CUX1: variants seen among roughly 807,000 people sequenced by gnomAD.
CUX1 encodes protein CASP.
A neutral mutation model predicts 158.8 loss-of-function variants in CUX1; 31 were observed. The ratio of observed to expected loss-of-function variants is 0.20; its 90% CI spans 0.15 to 0.26. The LOEUF is 0.26. Among genes scored for constraint, CUX1 ranks in the 10% least tolerant of loss-of-function variants. The probability of loss-of-function intolerance (pLI) is 1.00; values close to 1 mark genes in which losing one functional copy is unlikely to be tolerated. For missense variants in CUX1, 1,589 were observed against 2,014.6 expected (o/e 0.79, Z 4.04); for synonymous variants, 879 against 862.1 (o/e 1.02, Z -0.34).
At chr7:102,059,525 G>T (rs1252120333) in intron 3 of CUX1, among the ~76,000 whole-genome samples, 1 of 151,664 alleles carries the variant, frequency 6.6e-6, no homozygotes, top group Non-Finnish European at 1.5e-5. Flanking sequence ...CCAGCTACTC[G>T]GGAGGCTAAG....
rs549488773 is a variant in CUX1 at position 102,021,604 on chromosome 7, T to G, written c.142-6494T>G. On this transcript the variant is annotated intron_variant, in intron 2 of 23. Coordinates refer to ENST00000292535, the MANE Select transcript of CUX1 (RefSeq NM_181552.4). ...ATTACAGTTGTGAGCTACCAGATAC[T>G]TTTTTTTCTCTTTTTTTTTTTTTTT... Among the ~76,000 whole-genome samples, 11 of 110,032 alleles carry G rather than the reference T, an allele frequency of 1.0e-4. 1 individual carries two copies. The South Asian group carries it at 3.0e-3, about 30-fold the overall frequency. 72.2% of individuals were successfully genotyped at this position (110,032 alleles called of 152,430 possible).
At chr7:101,999,439 C>T (rs540087840) in intron 2 of CUX1, among the ~76,000 whole-genome samples, 1 of 152,204 alleles carries the variant, frequency 6.6e-6, no homozygotes, top group East Asian at 1.9e-4. Flanking sequence ...CTTGATTGAC[C>T]ATGAGCTTTG....
chr7:101,935,976 A>C (rs1020555594), intron 2 of CUX1, among the ~76,000 whole-genome samples: 1 of 152,150 alleles, frequency 6.6e-6, no homozygotes, highest in Non-Finnish European at 1.5e-5. Flanking sequence ...CACGCTCTTA[A>C]AACAAGGAAG....
chr7:101,989,002 AATAAT>A (rs1420841276), intron 2 of CUX1, among the ~76,000 whole-genome samples: 1 of 137,020 alleles, frequency 7.3e-6, no homozygotes, highest in Non-Finnish European at 1.6e-5. Context: ...TCAAAAAAAA[AATAAT>A]AATAATAATA....
chr7:101,989,977 A>C (rs1814890747), intron 2 of CUX1, among the ~76,000 whole-genome samples: 1 of 152,240 alleles, frequency 6.6e-6, no homozygotes, highest in Non-Finnish European at 1.5e-5. Flanking sequence ...GCCTCACCAC[A>C]GTGGAGCCAT....
chr7:101,944,887 C>T (rs1239223451), intron 2 of CUX1, among the ~76,000 whole-genome samples: 1 of 152,148 alleles, frequency 6.6e-6, no homozygotes, highest in Non-Finnish European at 1.5e-5. Context: ...GGGTTGACCC[C>T]ACTTGGTATG....
intron 10 of CUX1, among the ~76,000 whole-genome samples, chr7:102,171,626 T>C (rs1342968505): frequency 6.6e-6 from 1 of 151,968 alleles, no homozygotes; most frequent in Non-Finnish European, 1.5e-5. Flanking sequence ...TTTGGTATTT[T>C]TTATAGGGAC....
chr7:101,996,154 T>C, intron 2 of CUX1, among the ~76,000 whole-genome samples: 1 of 150,948 alleles, frequency 6.6e-6, no homozygotes, highest in Non-Finnish European at 1.5e-5. Flanking sequence ...TCTGCCTATG[T>C]TCCATTTTGG....
Position 102,252,896 on chromosome 7 carries a change from G to A in CUX1, c.*3854G>A. The stretch of plus-strand genomic sequence containing the variant: ...ATCTTAGGAGGCATCTTGGCATGAG[G>A]CAGCTTCTAAGCGTCTCCTGGGACA... On this transcript the variant is annotated 3_prime_UTR_variant, in exon 24 of 24. Coordinates refer to ENST00000292535, the MANE Select transcript of CUX1 (RefSeq NM_181552.4). 2.0e-6 allele frequency: 2 copies of A among 985,478 alleles called. No individual in the cohort carries two copies. The highest frequency in any genetic ancestry group is 2.4e-6 in the Non-Finnish European group (2 of 829,958). The allele number at this position is 985,478 out of a possible 1,614,324, so 61.0% of individuals were successfully genotyped here.
In CUX1 at chr7:102,096,369, GTTTC is replaced by G. The variant is rs1203090349; in HGVS notation, c.269-990_269-987del. On this transcript the variant is annotated intron_variant, in intron 4 of 23. Coordinates refer to ENST00000292535, the MANE Select transcript of CUX1 (RefSeq NM_181552.4). ...TGGGGTGGCTTTATAAAGCCTAAGTGTTTCTTTCCTCTGCTTCACCTCTGCTTCA... is the reference window on the plus strand; with the variant it reads ...TGGGGTGGCTTTATAAAGCCTAAGTGTTTCCTCTGCTTCACCTCTGCTTCA... Among the ~76,000 whole-genome samples, 7 of 152,322 alleles carry G rather than the reference GTTTC, an allele frequency of 4.6e-5. No individual in the cohort carries two copies. In the South Asian group the frequency reaches 6.2e-4, roughly 14 times the overall value.
At position 102,104,362 on chromosome 7, in the gene CUX1, A is replaced by G; in HGVS notation, c.433A>G (p.Lys145Glu). ...GGTTACGATAAAAGCACTTAAAGAG[A>G]AAATCCGAGAATATGAACAGACACT... ...QEVTIKALKE[K>E]IREYEQTLKN... Residue 145 changes from lysine to glutamate, a missense_variant, in exon 6 of 24, where the codon AAA becomes GAA. By Grantham distance (56) the Lys-to-Glu change is moderately conservative (BLOSUM62 1). Transcript: ENST00000292535. 3 of 1,610,258 alleles carry G rather than the reference A, an allele frequency of 1.9e-6. No homozygotes were observed. The South Asian group carries it at 3.3e-5, about 18-fold the overall frequency.
chr7:101,835,478 T>C (rs1312328368), intron 1 of CUX1, among the ~76,000 whole-genome samples: 1 of 152,230 alleles, frequency 6.6e-6, no homozygotes, highest in Non-Finnish European at 1.5e-5. Flanking sequence ...CAAATGTTTG[T>C]ATGAATGCAG....
At chr7:101,894,592 G>A (rs1261199557) in intron 1 of CUX1, among the ~76,000 whole-genome samples, 3 of 152,196 alleles carry the variant, frequency 2.0e-5, no homozygotes, top group African/African-American at 4.8e-5. Flanking sequence ...GATTACAGGC[G>A]TGAGCCCCTG....
chr7:102,200,561 G>C (rs1489812769), intron 17 of CUX1, among the ~76,000 whole-genome samples: 1 of 152,030 alleles, frequency 6.6e-6, no homozygotes, highest in Non-Finnish European at 1.5e-5. Flanking sequence ...GGCTGGTCTC[G>C]AACTCCTGAC....
chr7:102,212,931 C>T (rs782607729), intron 20 of CUX1, among the ~76,000 whole-genome samples: 3 of 152,204 alleles, frequency 2.0e-5, no homozygotes, highest in African/African-American at 7.2e-5. Flanking sequence ...CTGCAGCCTC[C>T]GCCTTCCGAG....
chr7:101,978,102 GAT>G (rs1812945521), intron 2 of CUX1, among the ~76,000 whole-genome samples: 1 of 151,960 alleles, frequency 6.6e-6, no homozygotes, highest in Admixed American at 6.6e-5. Flanking sequence ...CCTGCCCTTT[GAT>G]ATCTACAAGA....
intron 20 of CUX1, among the ~76,000 whole-genome samples, chr7:102,215,241 T>G (rs1796935169): frequency 6.7e-6 from 1 of 149,126 alleles, no homozygotes; most frequent in South Asian, 2.2e-4. Flanking sequence ...TTTTTTTTTT[T>G]TTTTTTTTTT....
At chr7:101,898,046 G>A (rs1425654930) in intron 1 of CUX1, among the ~76,000 whole-genome samples, 12 of 152,156 alleles carry the variant, frequency 7.9e-5, no homozygotes. Flanking sequence ...CGAGGGGTCA[G>A]GGATCTAGGG....
intron 8 of CUX1, among the ~76,000 whole-genome samples, chr7:102,150,508 C>A (rs1835524703): frequency 6.6e-6 from 1 of 152,168 alleles, no homozygotes; most frequent in Non-Finnish European, 1.5e-5. Flanking sequence ...TCTTTGAAGG[C>A]CGCTCTGTAT....
Sources: allele counts gnomAD v4.1 joint callset (sites outside exome capture counted in the v4.1 genomes callset), GRCh38; gene constraint gnomAD v4.1.1; transcripts MANE v1.5; gene names NCBI Gene and HGNC (gene_info 2026-07-23, HGNC 2026-07-21).